Variants in ROCK2 observed in about 807,000 individuals in gnomAD.
The protein encoded by ROCK2 is rho-associated protein kinase 2.
A neutral mutation model predicts 195.1 loss-of-function variants in ROCK2; 61 were observed. The ratio of observed to expected loss-of-function variants is 0.31; its 90% CI spans 0.25 to 0.39. The LOEUF is 0.39. Among genes scored for constraint, ROCK2 ranks in the 10% least tolerant of loss-of-function variants. The pLI is 1.00. For synonymous variants in ROCK2, 504 were observed against 545.5 expected, an observed-to-expected ratio of 0.92 and a Z score of 1.06; for missense variants, 1,109 against 1,637.4, an observed-to-expected ratio of 0.68 and a Z score of 5.57.
chr2:11,267,262 C>A (rs889269393), intron 3 of ROCK2, among the ~76,000 whole-genome samples: 1 of 152,098 alleles, frequency 6.6e-6, no homozygotes, highest in African/African-American at 2.4e-5. Context: ...TATTATTAAT[C>A]CCCCATAATG....
chr2:11,268,335 A>C (rs1345856989), intron 3 of ROCK2, among the ~76,000 whole-genome samples: 3 of 152,226 alleles, frequency 2.0e-5, no homozygotes, highest in African/African-American at 7.2e-5. Context: ...CAAGAGCTCA[A>C]CCAGAGTCTC....
At chr2:11,224,812 T>A (rs1664758127) in intron 6 of ROCK2, among the ~76,000 whole-genome samples, 1 of 152,094 alleles carries the variant, frequency 6.6e-6, no homozygotes, top group Non-Finnish European at 1.5e-5. Flanking sequence ...TCAGGGTCCT[T>A]TAATGCTTGG....
intron 5 of ROCK2, chr2:11,234,534 T>G (rs1665136534): frequency 6.6e-6 from 1 of 152,120 alleles, no homozygotes; most frequent in African/African-American, 2.4e-5. Flanking sequence ...GAGGGAGCTT[T>G]GGGTACAATA....
At chr2:11,184,472 T>C (rs1663118335) in intron 32 of ROCK2, among the ~76,000 whole-genome samples, 1 of 152,210 alleles carries the variant, frequency 6.6e-6, no homozygotes, top group South Asian at 2.1e-4. Flanking sequence ...TTATAGCCAA[T>C]AAAGAATCTG....
rs377618955 is a variant in ROCK2 at position 11,215,038 on chromosome 2, G to C, written c.1738C>G (p.Arg580Gly). The C allele has an allele frequency of 6.2e-7, 1 of 1,613,966 alleles. No individual in the cohort carries two copies. The highest frequency in any genetic ancestry group is 8.5e-7 in the Non-Finnish European group (1 of 1,179,944). Reference sequence around the variant, plus strand: ...CTTTCTGCCTGGGTTTTCCTTAACCGGGCTGCAGTATCAGACTCTGTTCGC... The same window carrying C: ...CTTTCTGCCTGGGTTTTCCTTAACCCGGCTGCAGTATCAGACTCTGTTCGC... ...LLRTESDTAA[R>G]LRKTQAESSK... Residue 580 changes from arginine (R) to glycine (G), a missense_variant, in exon 16 of 33, where the codon CGG (arginine) becomes GGG (glycine). Arg to Gly is a moderately radical substitution (Grantham distance 125). Around this residue, in one of 6 missense-constraint regions of ROCK2, gnomAD observed 542 missense variants for 672.0 expected, o/e 0.81. Transcript: ENST00000315872.
chr2:11,248,708 C>CAAAAAAAAAAAAAAAAAAAAAAAAAAAAA (rs70953372), intron 4 of ROCK2, among the ~76,000 whole-genome samples: 8 of 45,418 alleles, frequency 1.8e-4, no homozygotes, highest in East Asian at 7.7e-4. Flanking sequence ...GACTTCATCT[C>CAAAAAAAAAAAAAAAAAAAAAAAAAAAAA]AAAAAAAAAA....
At chr2:11,231,701 G>A (rs1391679094) in intron 5 of ROCK2, among the ~76,000 whole-genome samples, 2 of 151,768 alleles carry the variant, frequency 1.3e-5, no homozygotes, top group Non-Finnish European at 2.9e-5. Flanking sequence ...TTTCCTGAGA[G>A]AATAAGGGTG....
chr2:11,345,313 C>T (rs926502101), upstream of ROCK2, among the ~76,000 whole-genome samples: 7 of 152,208 alleles, frequency 4.6e-5, no homozygotes, highest in Non-Finnish European at 8.8e-5. Flanking sequence ...AAAGGCTTTC[C>T]AGCCGCAGGC....
chr2:11,335,267 G>A (rs912766023), intron 1 of ROCK2, among the ~76,000 whole-genome samples: 22 of 151,916 alleles, frequency 1.4e-4, no homozygotes, highest in Admixed American at 9.8e-4. Context: ...GAATTTACAA[G>A]AATATCTATA....
chr2:11,217,201 T>C (rs745438921), intron 11 of ROCK2, 32 bp from the exon 12 acceptor site: 2 of 1,100,246 alleles, frequency 1.8e-6, no homozygotes, highest in South Asian at 2.6e-5. Context: ...TAATTACGTA[T>C]TTTGGTCATA....
intron 1 of ROCK2, among the ~76,000 whole-genome samples, chr2:11,297,132 C>G (rs1046259330): frequency 6.6e-5 from 10 of 151,968 alleles, no homozygotes; most frequent in Non-Finnish European, 1.2e-4. Flanking sequence ...TTATATTAAC[C>G]AATCATTAAA....
intron 1 of ROCK2, among the ~76,000 whole-genome samples, chr2:11,321,832 T>C (rs1395884920): frequency 2.0e-5 from 3 of 152,276 alleles, no homozygotes; most frequent in East Asian, 3.9e-4. Context: ...AATAGATGGA[T>C]AGTTACTGAC....
At chr2:11,309,929 C>CAA (rs1340707774) in intron 1 of ROCK2, among the ~76,000 whole-genome samples, 1 of 150,548 alleles carries the variant, frequency 6.6e-6, no homozygotes. Context: ...TGGAGTGAGC[C>CAA]AAGATCATGC....
intron 3 of ROCK2, among the ~76,000 whole-genome samples, chr2:11,258,901 G>C (rs1666128278): frequency 6.6e-6 from 1 of 151,126 alleles, no homozygotes; most frequent in Non-Finnish European, 1.5e-5. Context: ...AAACTGAAAA[G>C]GGAAAGAGTT....
chr2:11,222,585 T>C (rs1664672832), intron 7 of ROCK2, among the ~76,000 whole-genome samples: 1 of 152,136 alleles, frequency 6.6e-6, no homozygotes, highest in Non-Finnish European at 1.5e-5. Context: ...TAAAAATCTC[T>C]CCCTTTCCTA....
At chr2:11,231,683 G>A (rs1467225461) in intron 5 of ROCK2, among the ~76,000 whole-genome samples, 2 of 149,770 alleles carry the variant, frequency 1.3e-5, no homozygotes, top group Non-Finnish European at 3.0e-5. Flanking sequence ...ATTTAGATAA[G>A]TTTTTTTTTT....
At chr2:11,310,545 G>A (rs989081935) in intron 1 of ROCK2, among the ~76,000 whole-genome samples, 3 of 152,008 alleles carry the variant, frequency 2.0e-5, no homozygotes, top group Non-Finnish European at 2.9e-5. Flanking sequence ...ATTGCAGAAC[G>A]GTTACCAAAT....
intron 1 of ROCK2, among the ~76,000 whole-genome samples, chr2:11,295,966 A>AAGAGAGAGAG (rs11413362): frequency 0.12 from 9,266 of 77,614 alleles, 1,323 homozygotes; most frequent in Non-Finnish European, 0.18. Context: ...CAAAAAACAA[A>AAGAGAGAGAG]AGAGAGAGAG....
intron 3 of ROCK2, among the ~76,000 whole-genome samples, chr2:11,272,019 C>CA (rs34999311): frequency 0.48 from 55,002 of 113,452 alleles, 12,410 homozygotes; most frequent in Middle Eastern, 0.58. Flanking sequence ...GACTCCATCT[C>CA]AAAAAAAAAA....
Sources: allele counts gnomAD v4.1 joint callset (sites outside exome capture counted in the v4.1 genomes callset), GRCh38; gene constraint gnomAD v4.1.1; regional missense constraint gnomAD v4.1.1; transcripts MANE v1.5; gene names NCBI Gene and HGNC (gene_info 2026-07-23, HGNC 2026-07-21).